Variants in LMO7 observed in about 807,000 individuals in gnomAD.
LMO7 encodes LIM domain only protein 7.
LMO7 carries 120 observed loss-of-function variants against 206.5 expected under a neutral mutation model. That is an observed-to-expected ratio of 0.58 (90% CI 0.50 to 0.68). The LOEUF (loss-of-function observed/expected upper bound fraction) is 0.68, where lower values mean the gene tolerates loss of function less well. Ranked by LOEUF, LMO7 falls within the 30% of genes least tolerant of loss-of-function variation. The pLI, the probability that LMO7 is intolerant of heterozygous loss-of-function variation, is 0.00. For synonymous variants in LMO7, 706 were observed against 681.5 expected, an observed-to-expected ratio of 1.04 and a Z score of -0.56; for missense variants, 1,959 against 1,957.9, an observed-to-expected ratio of 1.00 and a Z score of -0.01.
At chr13:75,624,108 T>C (rs1484924559) in intron 2 of LMO7, among the ~76,000 whole-genome samples, 1 of 152,176 alleles carries the variant, frequency 6.6e-6, no homozygotes, top group Non-Finnish European at 1.5e-5. Flanking sequence ...TCTATTTCAG[T>C]CTCCTCATCT....
chr13:75,741,363 G>A (rs184336720), intron 3 of LMO7, among the ~76,000 whole-genome samples: 6 of 152,280 alleles, frequency 3.9e-5, no homozygotes, highest in African/African-American at 1.2e-4. Context: ...TTCTACTTGT[G>A]TAAGAATTTA....
chr13:75,620,439 G>T (rs889266307), exon 1 of LMO7: 1 of 152,214 alleles, frequency 6.6e-6, no homozygotes, highest in African/African-American at 2.4e-5. Flanking sequence ...AAACAGGAAA[G>T]AAGTGGAATA....
At position 75,647,684 on chromosome 13, in the gene LMO7, C is replaced by G. The variant is rs535300774; in HGVS notation, c.69+10958C>G. On this transcript the variant is annotated intron_variant, in intron 1 of 30. Coordinates refer to ENST00000377534, the MANE Select transcript of LMO7 (RefSeq NM_001306080.2). ...ACAGAGAAGCAGAAAATAGCTTTAC[C>G]CTGTTTAGAAATAAAAAAAAATAGA... 2.2e-4 allele frequency among the ~76,000 whole-genome samples: 33 copies of G among 147,102 alleles called. 1 individual carries two copies. The South Asian group carries it at 7.4e-3, about 33-fold the overall frequency.
intron 1 of LMO7, among the ~76,000 whole-genome samples, chr13:75,669,313 G>T (rs904367008): frequency 1.2e-4 from 18 of 152,108 alleles, no homozygotes; most frequent in Admixed American, 2.0e-4. Flanking sequence ...AGAAAACGTT[G>T]TGACCTACAA....
At chr13:75,762,254 C>G (rs2048311586) in intron 4 of LMO7, among the ~76,000 whole-genome samples, 2 of 152,108 alleles carry the variant, frequency 1.3e-5, no homozygotes. Flanking sequence ...TTTAGAGATT[C>G]TAAATTTCAT....
chr13:75,848,741 A>G (rs533661575), intron 26 of LMO7, among the ~76,000 whole-genome samples: 5 of 152,310 alleles, frequency 3.3e-5, no homozygotes, highest in East Asian at 3.9e-4. Context: ...TCTTTTTCAT[A>G]TAATGACATC....
chr13:75,737,842 C>CAAAAAAAAAA (rs768622923), intron 3 of LMO7, among the ~76,000 whole-genome samples: 17 of 37,724 alleles, frequency 4.5e-4, no homozygotes, highest in African/African-American at 1.9e-3. Flanking sequence ...AGGAAGCTGC[C>CAAAAAAAAAA]AAAAAAAAAA....
At chr13:75,656,767 G>A (rs573639418) in intron 1 of LMO7, among the ~76,000 whole-genome samples, 1 of 152,144 alleles carries the variant, frequency 6.6e-6, no homozygotes, top group South Asian at 2.1e-4. Flanking sequence ...CTCAGGACTG[G>A]CATACAGTCA....
chr13:75,635,002 T>TCAAAACAAAA (rs3036380), upstream of LMO7, among the ~76,000 whole-genome samples: 2 of 136,520 alleles, frequency 1.5e-5, no homozygotes, highest in African/African-American at 5.6e-5. Flanking sequence ...AGACTCCATC[T>TCAAAACAAAA]CAAAACAAAA....
chr13:75,665,630 G>A (rs1318376126), intron 1 of LMO7, among the ~76,000 whole-genome samples: 6 of 151,900 alleles, frequency 3.9e-5, no homozygotes, highest in African/African-American at 1.5e-4. Flanking sequence ...GGGTTCAAGC[G>A]ACTCTCCTGC....
At chr13:75,659,778 A>C (rs1397492910) in intron 1 of LMO7, among the ~76,000 whole-genome samples, 1 of 152,240 alleles carries the variant, frequency 6.6e-6, no homozygotes, top group Non-Finnish European at 1.5e-5. Context: ...AATTTTAAAA[A>C]TACTTTATTA....
intron 11 of LMO7, among the ~76,000 whole-genome samples, chr13:75,813,619 G>A (rs909143682): frequency 2.0e-5 from 3 of 152,170 alleles, no homozygotes; most frequent in Admixed American, 2.0e-4. Context: ...ACAGGGACTT[G>A]TCTACTCCAG....
chr13:75,771,583 A>ATTTTTAAAGACTTTAAAAACAGAT (rs1566423993), intron 4 of LMO7, among the ~76,000 whole-genome samples: 1 of 152,130 alleles, frequency 6.6e-6, no homozygotes, highest in Non-Finnish European at 1.5e-5. Context: ...TAAAAACAGA[A>ATTTTTAAAGACTTTAAAAACAGAT]TTAGTAAGTA....
chr13:75,740,700 G>A (rs2046339157), intron 3 of LMO7, among the ~76,000 whole-genome samples: 1 of 152,298 alleles, frequency 6.6e-6, no homozygotes, highest in East Asian at 1.9e-4. Flanking sequence ...ATCCTTGCCT[G>A]ATTACATGCC....
At chr13:75,628,767 C>A (rs964650212) in intron 2 of LMO7, among the ~76,000 whole-genome samples, 1 of 152,098 alleles carries the variant, frequency 6.6e-6, no homozygotes, top group African/African-American at 2.4e-5. Flanking sequence ...GCCAACAGGA[C>A]CTCTTCTCTT....
intron 2 of LMO7, among the ~76,000 whole-genome samples, chr13:75,717,101 C>G (rs1019857847): frequency 3.3e-5 from 5 of 151,952 alleles, no homozygotes; most frequent in African/African-American, 1.2e-4. Context: ...CGGTGGCTCA[C>G]GCCTGTAATC....
chr13:75,813,951 C>A (rs754249710), intron 11 of LMO7, among the ~76,000 whole-genome samples: 1 of 152,108 alleles, frequency 6.6e-6, no homozygotes, highest in Non-Finnish European at 1.5e-5. Flanking sequence ...ATTTTTCCTG[C>A]CTCTTCTTAG....
Position 75,654,876 on chromosome 13 carries a change from C to T in LMO7, c.69+18150C>T, listed in dbSNP as rs199633945. ...AACTACTTTTTCTTTTCTCTTCTCT[C>T]TTTTTTTTTTTTTGACAAAATCTTC... is the stretch of plus-strand genomic sequence containing the variant. On this transcript the variant is annotated intron_variant, in intron 1 of 30. Coordinates refer to ENST00000377534, the MANE Select transcript of LMO7 (RefSeq NM_001306080.2). 1.9e-3 allele frequency among the ~76,000 whole-genome samples: 266 copies of T among 141,158 alleles called. 1 individual carries two copies. The highest frequency in any genetic ancestry group is 6.7e-3 in the African/African-American group (252 of 37,396). 92.6% of individuals were successfully genotyped at this position (141,158 alleles called of 152,430 possible).
chr13:75,740,269 G>T (rs1488119959), intron 3 of LMO7, among the ~76,000 whole-genome samples: 2 of 152,182 alleles, frequency 1.3e-5, no homozygotes, highest in African/African-American at 2.4e-5. Context: ...ACAGACATTT[G>T]TGAGTATGTT....
Sources: allele counts gnomAD v4.1 joint callset (sites outside exome capture counted in the v4.1 genomes callset), GRCh38; gene constraint gnomAD v4.1.1; transcripts MANE v1.5; gene names NCBI Gene and HGNC (gene_info 2026-07-23, HGNC 2026-07-21).